WDR59: variants seen among roughly 807,000 people sequenced by gnomAD.
The protein encoded by WDR59 is WD repeat domain 59, also known as GATOR2 complex protein WDR59.
In WDR59, 100 loss-of-function variants were observed where a neutral mutation model predicts 131.2. The observed-to-expected ratio is 0.76, with a 90% CI of 0.65 to 0.90. WDR59 has a LOEUF of 0.90. Ranked by LOEUF, WDR59 falls within the 40% of genes least tolerant of loss-of-function variation. WDR59 has a pLI of 0.00. For missense variants in WDR59, 1,203 were observed against 1,262.2 expected, an observed-to-expected ratio of 0.95 and a Z score of 0.71; for synonymous variants, 601 against 466.2, an observed-to-expected ratio of 1.29 and a Z score of -3.72.
At chr16:74,916,347 G>A in intron 11 of WDR59, 88 bp from the exon 12 acceptor site, 1 of 1,546,934 alleles carries the variant, frequency 6.5e-7, no homozygotes, top group Non-Finnish European at 8.9e-7. Flanking sequence ...TTAAAAATGG[G>A]AAGGGCAAAG....
At chr16:74,909,463 C>T (rs557574771) in intron 16 of WDR59, 38 bp downstream of exon 16, 8 of 1,506,640 alleles carry the variant, frequency 5.3e-6, no homozygotes, top group East Asian at 2.3e-5. Context: ...TAGCTGCTCC[C>T]TCTCGAAATC....
At chr16:74,915,669 C>G in intron 13 of WDR59, 1 of 605,510 alleles carries the variant, frequency 1.7e-6, no homozygotes, top group Non-Finnish European at 2.8e-6. Flanking sequence ...AGTGATCTGT[C>G]CACCTCAGAC....
At position 74,935,247 on chromosome 16, in the gene WDR59, C is replaced by T. The variant is rs548952960; in HGVS notation, c.651+2903G>A. Among the ~76,000 whole-genome samples, 773 of 151,860 alleles carry T rather than the reference C, an allele frequency of 5.1e-3. 2 individuals are homozygous for T. The highest frequency in any genetic ancestry group is 8.5e-3 in the Non-Finnish European group (579 of 67,956). The stretch of plus-strand genomic sequence containing the variant: ...TCTGTCTCAAAAAAAAAAGAATGTA[C>T]CAAGTGACTATGTCTGGATTTCCAG... On this transcript the variant is annotated intron_variant, in intron 8 of 25. Transcript: ENST00000262144.
At chr16:74,970,570 C>T (rs1160999186) in intron 1 of WDR59, among the ~76,000 whole-genome samples, 2 of 149,846 alleles carry the variant, frequency 1.3e-5, no homozygotes, top group Non-Finnish European at 1.5e-5. Flanking sequence ...CCACCTTTTC[C>T]GAAAGCACTT....
chr16:74,937,636 G>C (rs1218048119), intron 8 of WDR59, among the ~76,000 whole-genome samples: 1 of 152,140 alleles, frequency 6.6e-6, no homozygotes, highest in African/African-American at 2.4e-5. Context: ...CAAGTAGATG[G>C]AATTACAGGT....
rs767437951 is a variant in WDR59 at position 74,893,839 on chromosome 16, A to C, written c.1867-27T>G. The C allele has an allele frequency of 3.8e-5, 61 of 1,610,246 alleles. No individual in the cohort carries two copies. In the Middle Eastern group the frequency reaches 2.0e-3, roughly 52 times the overall value. On this transcript the variant is annotated intron_variant, in intron 18 of 25. Coordinates refer to ENST00000262144, the MANE Select transcript of WDR59 (RefSeq NM_030581.4). ...TAGGGGTAGATGACAGGATGTAACT[A>C]ATGGGGACTTTGACAAGTGGAAACC...
chr16:74,891,310 G>C (rs150908416), intron 20 of WDR59, among the ~76,000 whole-genome samples: 2 of 152,166 alleles, frequency 1.3e-5, no homozygotes, highest in East Asian at 1.9e-4. Flanking sequence ...GAAACAGGTC[G>C]AGAAGCATTA....
intron 25 of WDR59, among the ~76,000 whole-genome samples, chr16:74,882,562 G>A (rs986586040): frequency 2.6e-5 from 4 of 152,052 alleles, no homozygotes; most frequent in East Asian, 1.9e-4. Flanking sequence ...GCGAAACCCC[G>A]TCTCTACTAA....
At chr16:74,922,131 A>G (rs2030301644) in intron 9 of WDR59, 28 bp from the exon 10 acceptor site, 1 of 1,613,002 alleles carries the variant, frequency 6.2e-7, no homozygotes, top group Non-Finnish European at 8.5e-7. Context: ...AAAGCAGGTG[A>G]TTAGATTATT....
chr16:74,950,440 G>A (rs770780122), intron 4 of WDR59, among the ~76,000 whole-genome samples: 1 of 152,220 alleles, frequency 6.6e-6, no homozygotes, highest in Middle Eastern at 3.4e-3. Context: ...TCCACCAGAG[G>A]CACCTTGGGT....
chr16:74,934,367 G>A (rs2031635611), intron 8 of WDR59, among the ~76,000 whole-genome samples: 1 of 151,950 alleles, frequency 6.6e-6, no homozygotes, highest in Non-Finnish European at 1.5e-5. Flanking sequence ...TCACCAACTG[G>A]TGACAATTAT....
chr16:74,882,677 C>T lies in WDR59; in HGVS notation c.2689+2976G>A, dbSNP rs1264943698. Among the ~76,000 whole-genome samples the T allele has an allele frequency of 8.6e-5, 13 of 151,610 alleles. No homozygotes were observed. The South Asian group carries it at 1.9e-3, about 22-fold the overall frequency. On this transcript the variant is annotated intron_variant, in intron 25 of 25. Transcript: ENST00000262144. ...ACTAAAAATACAAGTGGCGTGGTGGCGGGCGCCTGTAGTCTCAGCCACTTG... is the reference window on the plus strand; with the variant it reads ...ACTAAAAATACAAGTGGCGTGGTGGTGGGCGCCTGTAGTCTCAGCCACTTG...
intron 8 of WDR59, 63 bp downstream of exon 8, chr16:74,938,087 A>T (rs1464042932): frequency 8.7e-7 from 1 of 1,146,234 alleles, no homozygotes; most frequent in African/African-American, 1.6e-5. Flanking sequence ...ACCAAGGTGG[A>T]ATCATACATC....
chr16:74,902,260 C>T (rs1316806035), intron 18 of WDR59, among the ~76,000 whole-genome samples: 1 of 152,162 alleles, frequency 6.6e-6, no homozygotes, highest in Non-Finnish European at 1.5e-5. Context: ...AGGCCACTTA[C>T]TATGTCTATT....
At chr16:74,964,174 T>C (rs1040492543) in intron 2 of WDR59, among the ~76,000 whole-genome samples, 5 of 148,476 alleles carry the variant, frequency 3.4e-5, no homozygotes, top group Admixed American at 3.3e-4. Context: ...AGGTCAGGAG[T>C]TCAAGATCAG....
At position 74,891,214 on chromosome 16, in the gene WDR59, T is replaced by C. The variant is rs141565444; in HGVS notation, c.2082+1270A>G. ...ATTAACTGGAAAACATACTAGACTC[T>C]GAGATGCTCAAAAGAAAGAAGATAT... On this transcript the variant is annotated intron_variant, in intron 20 of 25. Coordinates refer to ENST00000262144, the MANE Select transcript of WDR59 (RefSeq NM_030581.4). Among the ~76,000 whole-genome samples, 630 of 152,134 alleles carry C rather than the reference T, an allele frequency of 4.1e-3. 2 individuals are homozygous for C. Among genetic ancestry groups the C allele is most frequent in the African/African-American group, 0.014 (590 of 41,508 alleles).
rs573179676 is a variant in WDR59 at position 74,921,075 on chromosome 16, T to TA, written c.886+871dup. The stretch of plus-strand genomic sequence containing the variant: ...TTCAAATACATGATATATTTCACAG[T>TA]AAAAAAAAATTTTTTTTTATTTAAA... On this transcript the variant is annotated intron_variant, in intron 10 of 25. Transcript: ENST00000262144. 1.7e-3 allele frequency among the ~76,000 whole-genome samples: 255 copies of TA among 151,978 alleles called. 2 individuals carry two copies. The highest frequency in any genetic ancestry group is 4.3e-3 in the African/African-American group (178 of 41,476).
At chr16:74,950,731 G>C (rs1350242932) in intron 4 of WDR59, among the ~76,000 whole-genome samples, 1 of 152,166 alleles carries the variant, frequency 6.6e-6, no homozygotes, top group Non-Finnish European at 1.5e-5. Context: ...GAACTGTGAC[G>C]CAGGAGCTCT....
chr16:74,893,192 G>A (rs1343890265), intron 19 of WDR59, among the ~76,000 whole-genome samples: 4 of 152,314 alleles, frequency 2.6e-5, no homozygotes, highest in African/African-American at 9.6e-5. Context: ...ATGTTATTAA[G>A]CAATTGACTT....
Sources: gnomAD v4.1 joint callset for allele counts (sites outside exome capture counted in the v4.1 genomes callset) on GRCh38, gnomAD v4.1.1 for gene constraint, MANE v1.5 for transcripts, NCBI Gene and HGNC (gene_info 2026-07-23, HGNC 2026-07-21) for gene names.